The following MEF2C variants were observed in gnomAD, a reference collection of about 807,000 sequenced individuals.
The protein encoded by MEF2C is myocyte-specific enhancer factor 2C.
MEF2C carries 6 observed loss-of-function variants against 50.5 expected under a neutral mutation model. That is an observed-to-expected ratio of 0.12 (90% confidence interval 0.07 to 0.23). The LOEUF (loss-of-function observed/expected upper bound fraction) is 0.23. Ranked by LOEUF, MEF2C falls within the 10% of genes least tolerant of loss-of-function variation. MEF2C has a pLI of 1.00. For synonymous variants in MEF2C, 183 were observed against 228.0 expected (o/e 0.80, Z 1.78); for missense variants, 276 against 605.0 (o/e 0.46, Z 5.70).
At chr5:88,814,663 A>C (rs1804504102) in intron 2 of MEF2C, among the ~76,000 whole-genome samples, 1 of 152,052 alleles carries the variant, frequency 6.6e-6, no homozygotes, top group Non-Finnish European at 1.5e-5. Context: ...CCTCACCCTA[A>C]GTCAACATCC....
chr5:88,777,603 G>A (rs1785413957), intron 3 of MEF2C, among the ~76,000 whole-genome samples: 1 of 152,154 alleles, frequency 6.6e-6, no homozygotes, highest in Non-Finnish European at 1.5e-5. Flanking sequence ...TGTATCCTTT[G>A]AACACTTACT....
chr5:88,741,202 A>G (rs941073429), intron 6 of MEF2C: 18 of 985,310 alleles, frequency 1.8e-5, no homozygotes, highest in Non-Finnish European at 2.0e-5. Flanking sequence ...CATAAATACT[A>G]CTGGAACTGC....
At chr5:88,850,272 ACTATT>A (rs1249601285) in intron 1 of MEF2C, among the ~76,000 whole-genome samples, 1 of 152,176 alleles carries the variant, frequency 6.6e-6, no homozygotes, top group African/African-American at 2.4e-5. Context: ...TGTGTCATGC[ACTATT>A]CTATTCATTT....
chr5:88,728,478 A>T lies in MEF2C; in HGVS notation c.1100+15T>A. ...TACATTCTAAAATTATATTATAAAA[A>T]ATAATATTGCTTACCCCAACTGACT... is the stretch of plus-strand genomic sequence containing the variant. On this transcript the variant is annotated intron_variant, in intron 10 of 10. Transcript: ENST00000504921. 7.0e-7 allele frequency: 1 copy of T among 1,424,452 alleles called. No individual in the cohort carries two copies. Among genetic ancestry groups the T allele is most frequent in the Non-Finnish European group, 9.2e-7 (1 of 1,083,418 alleles). The allele number at this position is 1,424,452 out of a possible 1,614,324, so 88.2% of individuals were successfully genotyped here.
chr5:88,747,332 A>ATTT (rs1770258010), intron 6 of MEF2C, among the ~76,000 whole-genome samples: 2 of 20,268 alleles, frequency 9.9e-5, no homozygotes, highest in Admixed American at 5.8e-4. Context: ...TTTTTTTACT[A>ATTT]CTTTTTTTTT....
intron 1 of MEF2C, among the ~76,000 whole-genome samples, chr5:88,828,343 A>C (rs1811764336): frequency 6.6e-6 from 1 of 152,088 alleles, no homozygotes; most frequent in Non-Finnish European, 1.5e-5. Context: ...AAATAAAAAC[A>C]GCCTATGAAT....
Position 88,894,004 on chromosome 5 carries a change from G to C in MEF2C, c.-239-6406C>G, listed in dbSNP as rs546947535. On this transcript the variant is annotated intron_variant, in intron 1 of 11. Coordinates refer to the MEF2C transcript ENST00000340208. ...GTAATGTTCTTAGTCATAATACAAT[G>C]ATATCTGGAGTATATATGCAAAAAT... Among the ~76,000 whole-genome samples, 6 of 152,226 alleles carry C rather than the reference G, an allele frequency of 3.9e-5. No homozygotes were observed. In the East Asian group the frequency reaches 9.6e-4, roughly 24 times the overall value.
At chr5:88,742,290 A>C (rs572199206) in intron 6 of MEF2C, 1 of 985,388 alleles carries the variant, frequency 1.0e-6, no homozygotes, top group Non-Finnish European at 1.2e-6. Flanking sequence ...CATGATGCCA[A>C]AGATAGGGAA....
intron 1 of MEF2C, among the ~76,000 whole-genome samples, chr5:88,836,325 C>T (rs1482988781): frequency 2.6e-5 from 4 of 151,912 alleles, no homozygotes; most frequent in African/African-American, 9.7e-5. Flanking sequence ...TCTCACCTCC[C>T]TCCCTGTCTA....
intron 1 of MEF2C, among the ~76,000 whole-genome samples, chr5:88,869,278 C>CATATAT (rs57717988): frequency 1.2e-3 from 57 of 48,548 alleles, no homozygotes; most frequent in East Asian, 3.5e-3. Context: ...TATATATATA[C>CATATAT]ATATATATAT....
At chr5:88,745,779 C>G (rs1484448115) in intron 6 of MEF2C, among the ~76,000 whole-genome samples, 1 of 152,220 alleles carries the variant, frequency 6.6e-6, no homozygotes, top group African/African-American at 2.4e-5. Context: ...CGTGCCACTG[C>G]ACTCCAACCT....
intron 1 of MEF2C, among the ~76,000 whole-genome samples, chr5:88,892,747 C>T (rs1247976477): frequency 2.0e-5 from 3 of 152,176 alleles, no homozygotes; most frequent in African/African-American, 7.2e-5. Flanking sequence ...AGAGTCTATC[C>T]TCTTTTCACC....
At chr5:88,902,095 TATC>T (rs922213603) in intron 1 of MEF2C, among the ~76,000 whole-genome samples, 3 of 151,838 alleles carry the variant, frequency 2.0e-5, no homozygotes, top group African/African-American at 7.2e-5. Context: ...TTGCAGTAAC[TATC>T]ATCTTTAAAA....
intron 1 of MEF2C, among the ~76,000 whole-genome samples, chr5:88,880,242 GA>G (rs1832395541): frequency 6.6e-6 from 1 of 152,040 alleles, no homozygotes; most frequent in African/African-American, 2.4e-5. Flanking sequence ...TATTTTCTCA[GA>G]GGATGTGCTT....
chr5:88,826,988 G>GA (rs1581271689), intron 1 of MEF2C: 2 of 148,486 alleles, frequency 1.3e-5, no homozygotes, highest in East Asian at 2.0e-4. Context: ...TTTTTCTAAA[G>GA]AAAAAATGCC....
intron 1 of MEF2C, among the ~76,000 whole-genome samples, chr5:88,869,318 C>CACATATATATATAT (rs1828771865): frequency 2.5e-5 from 2 of 80,838 alleles, no homozygotes; most frequent in Non-Finnish European, 5.2e-5. Flanking sequence ...TATATATACA[C>CACATATATATATAT]ATATAGCTTC....
At chr5:88,815,755 A>C (rs1805029179) in intron 2 of MEF2C, among the ~76,000 whole-genome samples, 1 of 152,066 alleles carries the variant, frequency 6.6e-6, no homozygotes, top group African/African-American at 2.4e-5. Flanking sequence ...ATGTTAAAGA[A>C]GTGCAGACTG....
chr5:88,824,230 T>A, intron 1 of MEF2C: 2 of 975,810 alleles, frequency 2.0e-6, no homozygotes, highest in Non-Finnish European at 2.4e-6. Context: ...AGTTTCCTAA[T>A]CTTTTTAATG....
chr5:88,748,236 C>G, intron 6 of MEF2C: 1 of 974,366 alleles, frequency 1.0e-6, no homozygotes, highest in Non-Finnish European at 1.2e-6. Context: ...TTAGGCTATC[C>G]ATGTCTATTT....
Sources: allele counts gnomAD v4.1 joint callset (sites outside exome capture counted in the v4.1 genomes callset), GRCh38; gene constraint gnomAD v4.1.1; transcripts MANE v1.5; gene names NCBI Gene and HGNC (gene_info 2026-07-23, HGNC 2026-07-21).